SNTG1: variants seen among roughly 807,000 people sequenced by gnomAD.
SNTG1 encodes the protein syntrophin gamma 1, also known as gamma-1-syntrophin.
In SNTG1, 39 loss-of-function variants were observed where a neutral mutation model predicts 74.7. That is an observed-to-expected ratio of 0.52 (90% CI 0.40 to 0.68). The LOEUF is 0.68. SNTG1 is among the 30% of genes least tolerant of loss of function. The probability of loss-of-function intolerance (pLI) is 0.00; values close to 1 mark genes in which losing one functional copy is unlikely to be tolerated. For synonymous variants in SNTG1, 254 were observed against 217.1 expected, an observed-to-expected ratio of 1.17 and a Z score of -1.49; for missense variants, 685 against 609.5, an observed-to-expected ratio of 1.12 and a Z score of -1.30.
chr8:50,129,820 G>T lies in SNTG1; in HGVS notation c.-102-42741G>T, dbSNP rs899623979. The stretch of plus-strand genomic sequence containing the variant: ...TTCATTTTATTATTTTGTTGTTGTT[G>T]TTGTTGAGGATCTTGCTGTGCTTCC... On this transcript the variant is annotated intron_variant, in intron 1 of 18. Transcript: ENST00000642720. Among the ~76,000 whole-genome samples the T allele has an allele frequency of 2.2e-4, 33 of 152,008 alleles. 1 individual carries two copies. Among genetic ancestry groups the T allele is most frequent in the Non-Finnish European group, 2.2e-4 (15 of 67,990 alleles).
intron 2 of SNTG1, among the ~76,000 whole-genome samples, chr8:50,301,361 C>T (rs1430623486): frequency 6.6e-6 from 1 of 152,012 alleles, no homozygotes; most frequent in African/African-American, 2.4e-5. Context: ...AACCCTATAG[C>T]AAAAAATGTT....
At chr8:50,603,108 T>TTATC (rs1354577670) in intron 13 of SNTG1, among the ~76,000 whole-genome samples, 1 of 152,188 alleles carries the variant, frequency 6.6e-6, no homozygotes, top group Non-Finnish European at 1.5e-5. Flanking sequence ...CTTTCCACTC[T>TTATC]TATCTCTTTC....
chr8:50,362,935 A>C (rs1464802277), intron 2 of SNTG1, among the ~76,000 whole-genome samples: 1 of 152,174 alleles, frequency 6.6e-6, no homozygotes, highest in Non-Finnish European at 1.5e-5. Context: ...AAACACAGAC[A>C]ACTGAATTGC....
intron 18 of SNTG1, among the ~76,000 whole-genome samples, chr8:50,755,255 A>G (rs996345753): frequency 2.0e-5 from 3 of 151,554 alleles, no homozygotes. Flanking sequence ...AGCTCTTCCT[A>G]TTCACCCCTA....
chr8:50,601,158 A>T (rs1256860774), intron 13 of SNTG1, among the ~76,000 whole-genome samples: 6 of 134,026 alleles, frequency 4.5e-5, no homozygotes, highest in Admixed American at 1.4e-4. Context: ...GAGACAAAAA[A>T]AAAAAAAAAA....
At chr8:50,690,842 G>T (rs1167481050) in intron 15 of SNTG1, among the ~76,000 whole-genome samples, 1 of 152,058 alleles carries the variant, frequency 6.6e-6, no homozygotes, top group Non-Finnish European at 1.5e-5. Flanking sequence ...AATGTTGACA[G>T]TGGGGTGTTA....
intron 1 of SNTG1, among the ~76,000 whole-genome samples, chr8:50,019,416 A>T (rs201573957): frequency 6.6e-6 from 1 of 152,096 alleles, no homozygotes; most frequent in Admixed American, 6.6e-5. Context: ...CTTAAGATGG[A>T]TAAAGAACAG....
chr8:49,966,091 T>G (rs981192756), intron 1 of SNTG1, among the ~76,000 whole-genome samples: 1 of 152,330 alleles, frequency 6.6e-6, no homozygotes. Flanking sequence ...TATTTCTGAT[T>G]CAATTTCTAC....
At chr8:50,186,450 CTG>C (rs1382693770) in intron 2 of SNTG1, among the ~76,000 whole-genome samples, 1 of 152,152 alleles carries the variant, frequency 6.6e-6, no homozygotes, top group African/African-American at 2.4e-5. Flanking sequence ...TTGAGGAACA[CTG>C]TCTTCCACAA....
At chr8:50,375,588 T>C (rs1347613169) in intron 2 of SNTG1, among the ~76,000 whole-genome samples, 2 of 152,192 alleles carry the variant, frequency 1.3e-5, no homozygotes, top group Non-Finnish European at 1.5e-5. Context: ...GTGTCAACTT[T>C]ACAATCCTAG....
chr8:49,943,149 C>A (rs1808852848), intron 1 of SNTG1, among the ~76,000 whole-genome samples: 1 of 152,074 alleles, frequency 6.6e-6, no homozygotes, highest in African/African-American at 2.4e-5. Flanking sequence ...TTTAAATCCA[C>A]CCTGTTCAAA....
chr8:50,042,645 C>T (rs1182886725), intron 1 of SNTG1, among the ~76,000 whole-genome samples: 1 of 152,120 alleles, frequency 6.6e-6, no homozygotes, highest in Non-Finnish European at 1.5e-5. Flanking sequence ...CAGCCTCAAA[C>T]TCCTGGGCTC....
chr8:50,289,770 G>C (rs1040831841), intron 2 of SNTG1, among the ~76,000 whole-genome samples: 3 of 152,164 alleles, frequency 2.0e-5, no homozygotes, highest in African/African-American at 7.2e-5. Flanking sequence ...TATTGAAAGA[G>C]AGGAGAAGTC....
intron 1 of SNTG1, among the ~76,000 whole-genome samples, chr8:50,113,990 G>GA (rs1372054891): frequency 2.0e-5 from 3 of 151,780 alleles, no homozygotes; most frequent in African/African-American, 4.8e-5. Flanking sequence ...AATTATCATA[G>GA]AAAAAATCTA....
intron 1 of SNTG1, among the ~76,000 whole-genome samples, chr8:49,916,006 G>A (rs1382274286): frequency 1.3e-5 from 2 of 151,968 alleles, no homozygotes; most frequent in African/African-American, 4.8e-5. Flanking sequence ...ATCAACATTT[G>A]GTCTGTATAG....
At chr8:50,168,386 G>T (rs1420196719) in intron 1 of SNTG1, among the ~76,000 whole-genome samples, 2 of 151,930 alleles carry the variant, frequency 1.3e-5, no homozygotes, top group East Asian at 1.9e-4. Context: ...GTAACAATTT[G>T]TTTTTTTCTC....
rs530725796 is a variant in SNTG1 at position 50,410,458 on chromosome 8, C to A, written c.162+8114C>A. Among the ~76,000 whole-genome samples, 4 of 152,144 alleles carry A rather than the reference C, an allele frequency of 2.6e-5. No homozygotes were observed. The East Asian group carries it at 7.7e-4, about 29-fold the overall frequency. On this transcript the variant is annotated intron_variant, in intron 4 of 18. Coordinates refer to ENST00000642720, the MANE Select transcript of SNTG1 (RefSeq NM_018967.5). The stretch of plus-strand genomic sequence containing the variant: ...TTGCTGATTTTAATGAGATTGCATT[C>A]TTCTTTTATTTAAAAATATTGAATT...
intron 2 of SNTG1, among the ~76,000 whole-genome samples, chr8:50,205,144 C>T (rs752823806): frequency 6.6e-6 from 1 of 152,218 alleles, no homozygotes; most frequent in Non-Finnish European, 1.5e-5. Flanking sequence ...GGAATCACCA[C>T]ACTGTCTTCC....
In SNTG1 at chr8:50,794,257, G is replaced by T. The variant is rs569439890; in HGVS notation, c.*1428G>T. The T allele has an allele frequency of 6.6e-6, 1 of 151,106 alleles. No homozygotes were observed. Among genetic ancestry groups the T allele is most frequent in the Non-Finnish European group, 1.5e-5 (1 of 67,764 alleles). The allele number at this position is 151,106 out of a possible 1,614,324, so 9.4% of individuals were successfully genotyped here. A position where few individuals can be genotyped will look rare whatever the true frequency, so the allele number is the denominator to read the frequency against. The stretch of plus-strand genomic sequence containing the variant: ...AAATATGTTTTTAAAAATCACTCAA[G>T]AAGGAAACAAAGTGATTTCTATAAA... On this transcript the variant is annotated 3_prime_UTR_variant, in exon 19 of 19. Coordinates refer to ENST00000642720, the MANE Select transcript of SNTG1 (RefSeq NM_018967.5).
Sources: allele counts gnomAD v4.1 joint callset (sites outside exome capture counted in the v4.1 genomes callset), GRCh38; gene constraint gnomAD v4.1.1; transcripts MANE v1.5; gene names NCBI Gene and HGNC (gene_info 2026-07-23, HGNC 2026-07-21).